SYT7: variants seen among roughly 807,000 people sequenced by gnomAD.
The protein encoded by SYT7 is synaptotagmin 7, also known as synaptotagmin-7.
SYT7 carries 29 observed loss-of-function variants against 75.1 expected under a neutral mutation model. The observed-to-expected ratio is 0.39, with a 90% CI of 0.29 to 0.53. The LOEUF (loss-of-function observed/expected upper bound fraction) is 0.53, where lower values mean the gene tolerates loss of function less well. Ranked by LOEUF, SYT7 falls within the 20% of genes least tolerant of loss-of-function variation. The pLI is 0.77. For synonymous variants in SYT7, 376 were observed against 401.7 expected, an observed-to-expected ratio of 0.94 and a Z score of 0.76; for missense variants, 693 against 953.2, an observed-to-expected ratio of 0.73 and a Z score of 3.59.
chr11:61,522,052 A>C (rs1316722022), intron 12 of SYT7, among the ~76,000 whole-genome samples: 1 of 152,246 alleles, frequency 6.6e-6, no homozygotes, highest in African/African-American at 2.4e-5. Context: ...CCATGCTCTC[A>C]ACACTAAACC....
chr11:61,531,939 G>A (rs897377258), intron 8 of SYT7, among the ~76,000 whole-genome samples: 2 of 149,544 alleles, frequency 1.3e-5, no homozygotes, highest in Non-Finnish European at 3.0e-5. Flanking sequence ...CCCCACCGAA[G>A]GCCCATTGAC....
intron 8 of SYT7, among the ~76,000 whole-genome samples, chr11:61,530,528 T>C (rs1334612539): frequency 1.3e-5 from 2 of 152,074 alleles, no homozygotes; most frequent in Admixed American, 6.5e-5. Context: ...GGGTTCCTTC[T>C]AGAGTTCTGC....
rs2063575451 is a variant in SYT7 at position 61,559,107 on chromosome 11, AC to A, written c.32-2901del. On this transcript the variant is annotated intron_variant, in intron 1 of 12. Transcript: ENST00000539008. ...GTGTATTAACCACTCAGTGTCTCCC[AC>A]GGGGTTGCTGTTAGCACTCAATAGA... Among the ~76,000 whole-genome samples, 4 of 152,296 alleles carry A rather than the reference AC, an allele frequency of 2.6e-5. No homozygotes were observed. In the South Asian group the frequency reaches 8.3e-4, roughly 32 times the overall value.
rs529590239 is a variant in SYT7 at position 61,533,051 on chromosome 11, G to A, written c.1138C>T (p.Arg380Trp). The change falls in exon 8 of 13, where the codon CGG becomes TGG. Residue 380 changes from arginine to tryptophan, a missense_variant. By Grantham distance (101) the Arg-to-Trp change is moderately radical. Transcript: ENST00000539008. ...GAGACGGAGGAACGTGGCTCGGTCC[G>A]GCGGTCGGACTCATCGTGGGGTGTC... is the stretch of plus-strand genomic sequence containing the variant. Reference protein sequence around the residue: ...GQTPHDESDRRTEPRSSVSDL... With the variant: ...GQTPHDESDRWTEPRSSVSDL... The A allele has an allele frequency of 5.6e-6, 9 of 1,613,388 alleles. No homozygotes were observed. The highest frequency in any genetic ancestry group is 1.1e-5 in the South Asian group (1 of 91,076).
In SYT7 at chr11:61,546,290, G is replaced by C; in HGVS notation, c.348-35C>G. On this transcript the variant is annotated intron_variant, in intron 4 of 12. Transcript: ENST00000539008. The surrounding 1 kb of genome is among the most constrained non-coding windows in gnomAD (Gnocchi z 7.6). ...TGCACGAGGCAGCCAGGCCAGAGGG[G>C]CACCGGGGGTGGCGGTGGGGGAGAG... 2 of 1,388,664 alleles carry C rather than the reference G, an allele frequency of 1.4e-6. No homozygotes were observed. Among genetic ancestry groups the C allele is most frequent in the South Asian group, 1.6e-5 (1 of 64,430 alleles). The allele number at this position is 1,388,664 out of a possible 1,614,324, so 86.0% of individuals were successfully genotyped here.
chr11:61,567,500 T>A (rs993369872), intron 1 of SYT7, among the ~76,000 whole-genome samples: 1 of 152,180 alleles, frequency 6.6e-6, no homozygotes, highest in Non-Finnish European at 1.5e-5. Flanking sequence ...TGCATAGTGA[T>A]TCCGCCTTCC....
chr11:61,541,626 G>A (rs1452664631), intron 6 of SYT7, among the ~76,000 whole-genome samples: 1 of 152,016 alleles, frequency 6.6e-6, no homozygotes, highest in African/African-American at 2.4e-5. Flanking sequence ...AGGAGACTTG[G>A]GAAGTCAGGG....
At chr11:61,535,100 G>A (rs1388946165) in intron 7 of SYT7, among the ~76,000 whole-genome samples, 2 of 151,784 alleles carry the variant, frequency 1.3e-5, no homozygotes, top group African/African-American at 4.8e-5. Flanking sequence ...CAGAGAGACA[G>A]AGGTGAGAGG....
intron 6 of SYT7, among the ~76,000 whole-genome samples, chr11:61,539,174 C>G (rs2135215094): frequency 6.6e-6 from 1 of 152,254 alleles, no homozygotes; most frequent in South Asian, 2.1e-4. Context: ...CTGCAGGGAG[C>G]CTGTGCCTGC....
rs1289250416 is a variant in SYT7, at chr11:61,556,086, G to A, written c.135+18C>T. The A allele has an allele frequency of 2.5e-6, 4 of 1,607,804 alleles. No individual in the cohort carries two copies. Among genetic ancestry groups the A allele is most frequent in the African/African-American group, 2.7e-5 (2 of 74,832 alleles). On this transcript the variant is annotated intron_variant, in intron 2 of 12. Coordinates refer to ENST00000539008, the MANE Select transcript of SYT7 (RefSeq NM_001365809.2). ...CAGGGCTAGGCACCACCCTCCAAGG[G>A]GCCCTCAGGAGCCTCACCAGTTTGC...
rs2062175336 is a variant in SYT7, at chr11:61,517,405, G to A, written c.*1222C>T. On this transcript the variant is annotated 3_prime_UTR_variant, in exon 13 of 13. Transcript: ENST00000539008. ...GAGTCGGGCAGAAGGAGCTGCTCCCGGGGACCAGGGAGTGGGGAAGGGTGA... is the reference window on the plus strand; with the variant it reads ...GAGTCGGGCAGAAGGAGCTGCTCCCAGGGACCAGGGAGTGGGGAAGGGTGA... The A allele has an allele frequency of 5.0e-6, 2 of 398,746 alleles. No homozygotes were observed. Among genetic ancestry groups the A allele is most frequent in the East Asian group, 7.1e-5 (2 of 28,072 alleles). The allele number at this position is 398,746 out of a possible 1,614,324, so 24.7% of individuals were successfully genotyped here.
In SYT7 at chr11:61,563,285, T is replaced by C. The variant is rs1458407381; in HGVS notation, c.32-7078A>G. Among the ~76,000 whole-genome samples, 5 of 152,350 alleles carry C rather than the reference T, an allele frequency of 3.3e-5. No individual in the cohort carries two copies. In the East Asian group the frequency reaches 9.6e-4, roughly 29 times the overall value. On this transcript the variant is annotated intron_variant, in intron 1 of 12. Transcript: ENST00000539008. Reference sequence around the variant, plus strand: ...ATGACCTGGGTTTACGCCCCAGCCCTGCCCCTGGCCAACTACGTTACCCAG... The same window carrying C: ...ATGACCTGGGTTTACGCCCCAGCCCCGCCCCTGGCCAACTACGTTACCCAG...
chr11:61,539,147 G>A (rs1016242012), intron 6 of SYT7, among the ~76,000 whole-genome samples: 2 of 152,198 alleles, frequency 1.3e-5, no homozygotes, highest in East Asian at 3.9e-4. Flanking sequence ...GCAAGGTCTG[G>A]AGAAGTTTTG....
rs1296419468 is a variant in SYT7, at chr11:61,580,756, G to A, written c.31+34C>T. On this transcript the variant is annotated intron_variant, in intron 1 of 12. Coordinates refer to ENST00000539008, the MANE Select transcript of SYT7 (RefSeq NM_001365809.2). The surrounding 1 kb of genome is among the most constrained non-coding windows in gnomAD (Gnocchi z 6.1). The stretch of plus-strand genomic sequence containing the variant: ...CGCTGCCGCTGTCCTGCCCGCCGGT[G>A]CGGGGCGCCCCAGCCCGCCGGGGCC... 1.6e-6 allele frequency: 2 copies of A among 1,225,338 alleles called. 1 individual carries two copies. Among genetic ancestry groups the A allele is most frequent in the Admixed American group, 8.3e-5 (2 of 23,994 alleles). The allele number at this position is 1,225,338 out of a possible 1,614,324, so 75.9% of individuals were successfully genotyped here.
rs1188637972 is a variant in SYT7, at chr11:61,528,217, G to A, written c.1201-32C>T. ...GTGGGGGAGAGGCCGGCAGGGTTTG[G>A]GGAGGATTCTGCTTCCCCCATGTCC... On this transcript the variant is annotated intron_variant, in intron 8 of 12. Coordinates refer to ENST00000539008, the MANE Select transcript of SYT7 (RefSeq NM_001365809.2). The A allele has an allele frequency of 2.5e-6, 4 of 1,601,966 alleles. No individual in the cohort carries two copies. In the South Asian group the frequency reaches 4.4e-5, roughly 18 times the overall value.
At chr11:61,579,304 G>A (rs1590968651) in intron 1 of SYT7, among the ~76,000 whole-genome samples, 1 of 152,232 alleles carries the variant, frequency 6.6e-6, no homozygotes, top group South Asian at 2.1e-4. Flanking sequence ...GGAAGCCGGC[G>A]GCCTCTTCGA....
intron 1 of SYT7, among the ~76,000 whole-genome samples, chr11:61,564,221 C>T (rs1199373062): frequency 1.3e-5 from 2 of 152,146 alleles, no homozygotes; most frequent in Admixed American, 1.3e-4. Context: ...AGGCTCTTTC[C>T]CCCAGAATTC....
At chr11:61,568,303 A>C (rs907755947) in intron 1 of SYT7, among the ~76,000 whole-genome samples, 2 of 152,224 alleles carry the variant, frequency 1.3e-5, no homozygotes, top group African/African-American at 4.8e-5. Context: ...AACAAAAAGC[A>C]AAACAAATAA....
intron 1 of SYT7, among the ~76,000 whole-genome samples, chr11:61,571,639 C>T (rs2063923279): frequency 6.6e-6 from 1 of 152,240 alleles, no homozygotes; most frequent in Admixed American, 6.5e-5. Context: ...GAAGCGGGCA[C>T]CTTCTCCAGG....
Sources: gnomAD v4.1 joint callset for allele counts (sites outside exome capture counted in the v4.1 genomes callset) on GRCh38, gnomAD v4.1.1 for gene constraint, Gnocchi (gnomAD v3.1) non-coding constraint, MANE v1.5 for transcripts, NCBI Gene and HGNC (gene_info 2026-07-23, HGNC 2026-07-21) for gene names.